The following KRI1 variants were observed in gnomAD, a reference collection of about 807,000 sequenced individuals.
KRI1 encodes the protein protein KRI1 homolog.
In KRI1, 83 loss-of-function variants were observed where a neutral mutation model predicts 97.0. The observed-to-expected ratio is 0.86, with a 90% CI of 0.72 to 1.03. The LOEUF is 1.03. Ranked by LOEUF, KRI1 falls within the 50% of genes least tolerant of loss-of-function variation. The pLI is 0.00. For missense variants in KRI1, 916 were observed against 928.4 expected (o/e 0.99, Z 0.17); for synonymous variants, 371 against 363.5 (o/e 1.02, Z -0.23).
chr19:10,562,225 T>G (rs1916724067), intron 4 of KRI1, among the ~76,000 whole-genome samples: 1 of 151,970 alleles, frequency 6.6e-6, no homozygotes, highest in Admixed American at 6.6e-5. Flanking sequence ...AATTTTTGTA[T>G]TTTTAGTAGA....
In KRI1 at chr19:10,553,260, G is replaced by A. The variant is rs531141762; in HGVS notation, c.*691C>T. On this transcript the variant is annotated 3_prime_UTR_variant, in exon 19 of 19. Transcript: ENST00000312962. ...GCCCATACACCTGTCTCCCACCAGC[G>A]GGGCCCTCCTGGCAGGGTAGGGAAG... 28 of 702,708 alleles carry A rather than the reference G, an allele frequency of 4.0e-5. No homozygotes were observed. The East Asian group carries it at 5.1e-4, about 13-fold the overall frequency. The allele number at this position is 702,708 out of a possible 1,614,324, so 43.5% of individuals were successfully genotyped here.
rs768453953 is a variant in KRI1, at chr19:10,562,808, C to T, written c.304G>A (p.Glu102Lys). The T allele has an allele frequency of 3.7e-6, 6 of 1,612,648 alleles. No homozygotes were observed. The Admixed American group carries it at 8.3e-5, about 22-fold the overall frequency. Residue 102 changes from glutamate (E) to lysine (K), a missense_variant, in exon 4 of 19, where the codon GAA (glutamate) becomes AAA (lysine). Around this residue, in one of 3 missense-constraint regions of KRI1, gnomAD observed 173 missense variants for 153.1 expected, o/e 1.13. Coordinates refer to ENST00000312962, the MANE Select transcript of KRI1 (RefSeq NM_023008.5). ...ASSSDSEEDP[E>K]ALEKQKKVRP... is the part of the protein sequence containing the mutation. The stretch of plus-strand genomic sequence containing the variant: ...ACTTTCTTCTGCTTCTCCAAGGCTT[C>T]TGGGTCCTCCTCACTGTCTGATGAC...
At chr19:10,559,307 A>G in intron 12 of KRI1, 52 bp downstream of exon 12, 1 of 1,583,740 alleles carries the variant, frequency 6.3e-7, no homozygotes, top group Non-Finnish European at 8.6e-7. Flanking sequence ...GGCCAGTGAG[A>G]GCCATGTTTG....
intron 16 of KRI1, 59 bp from the exon 17 acceptor site, chr19:10,555,408 G>A: frequency 6.3e-7 from 1 of 1,576,300 alleles, no homozygotes; most frequent in Admixed American, 1.7e-5. Context: ...GGCCTTCCCT[G>A]AGCCTAAGTC....
intron 12 of KRI1, 47 bp downstream of exon 12, chr19:10,559,312 T>C (rs751924709): frequency 1.9e-6 from 3 of 1,589,912 alleles, no homozygotes; most frequent in African/African-American, 1.3e-5. Context: ...GTGAGAGCCA[T>C]GTTTGTGTGA....
At chr19:10,563,014 C>T (rs956057711) in intron 3 of KRI1, among the ~76,000 whole-genome samples, 177 bp from the exon 4 acceptor site, 1 of 152,108 alleles carries the variant, frequency 6.6e-6, no homozygotes, top group African/African-American at 2.4e-5. Flanking sequence ...GTCATTCAGT[C>T]AGTAATTCCT....
intron 11 of KRI1, 34 bp from the exon 12 acceptor site, chr19:10,559,563 G>A: frequency 1.2e-6 from 2 of 1,613,690 alleles, no homozygotes; most frequent in East Asian, 2.2e-5. Context: ...GAGGGCATGG[G>A]CTTTCCTCCA....
chr19:10,565,743 C>G lies in KRI1; in HGVS notation c.142G>C (p.Glu48Gln). 3 of 1,580,618 alleles carry G rather than the reference C, an allele frequency of 1.9e-6. No individual in the cohort carries two copies. The highest frequency in any genetic ancestry group is 1.7e-6 in the Non-Finnish European group (2 of 1,164,468). ...DRDSSSDSSS[E>Q]SDSSDERVEF... The stretch of plus-strand genomic sequence containing the variant: ...ACGCGCTCGTCGCTTGAGTCCGACT[C>G]GGAGCTGGAGTCGCTGCTGCTGTCT... The change falls in exon 2 of 19, where the codon GAG (glutamate) becomes CAG (glutamine). Residue 48 changes from glutamate to glutamine, a missense_variant. By Grantham distance (29) the Glu-to-Gln change is conservative (BLOSUM62 2). Coordinates refer to ENST00000312962, the MANE Select transcript of KRI1 (RefSeq NM_023008.5).
intron 16 of KRI1, among the ~76,000 whole-genome samples, chr19:10,555,983 G>A (rs1442714205): frequency 6.6e-6 from 1 of 152,154 alleles, no homozygotes; most frequent in Non-Finnish European, 1.5e-5. Flanking sequence ...GGGGAGTTGA[G>A]GCACAGATAG....
Position 10,556,817 on chromosome 19 carries a change from C to T in KRI1, c.1617+735G>A, listed in dbSNP as rs114041232. 3.5e-3 allele frequency among the ~76,000 whole-genome samples: 526 copies of T among 150,686 alleles called. 5 individuals carry two copies. Among genetic ancestry groups the T allele is most frequent in the African/African-American group, 0.012 (476 of 41,046 alleles). On this transcript the variant is annotated intron_variant, in intron 16 of 18. Transcript: ENST00000312962. ...GACCAGCCTGCACAACACAGTAAAA[C>T]ATCATCTGTACAAAAAATATTTTTA...
Position 10,559,808 on chromosome 19 carries a change from A to G in KRI1, c.927+2T>C. On this transcript the variant is annotated splice_donor_variant, in intron 10 of 18. Transcript: ENST00000312962. LOFTEE classifies it high-confidence loss of function. ...GAGTCCTCCCCAGCCCCAGCCACAC[A>G]CCGATGCTGAGTCCGGCTCCTCGAA... The G allele has an allele frequency of 1.2e-6, 2 of 1,613,614 alleles. No individual in the cohort carries two copies. Among genetic ancestry groups the G allele is most frequent in the Non-Finnish European group, 1.7e-6 (2 of 1,179,888 alleles).
chr19:10,560,949 G>T, intron 8 of KRI1, 54 bp downstream of exon 8: 1 of 1,355,064 alleles, frequency 7.4e-7, no homozygotes, highest in Non-Finnish European at 1.1e-6. Context: ...AAATAGGTTG[G>T]ATGGACGCGG....
intron 2 of KRI1, 160 bp downstream of exon 2, chr19:10,565,557 G>C: frequency 2.2e-6 from 2 of 906,338 alleles, no homozygotes; most frequent in East Asian, 2.9e-5. Context: ...CCTGGGGAGA[G>C]GGGGGGCACT....
chr19:10,562,370 G>T (rs1039494252), intron 4 of KRI1, among the ~76,000 whole-genome samples: 2 of 149,146 alleles, frequency 1.3e-5, no homozygotes, highest in Admixed American at 1.3e-4. Context: ...TTGAGACAGG[G>T]TCTTATTCTG....
At chr19:10,565,409 G>A in intron 2 of KRI1, 1 of 519,628 alleles carries the variant, frequency 1.9e-6, no homozygotes, top group Non-Finnish European at 3.4e-6. Context: ...GTGGCGCAAG[G>A]AGTACACTAA....
chr19:10,557,460 G>A, intron 16 of KRI1, 92 bp downstream of exon 16: 7 of 1,374,750 alleles, frequency 5.1e-6, no homozygotes, highest in Non-Finnish European at 7.0e-6. Flanking sequence ...TGGCATTTCT[G>A]AGCAACAGAG....
chr19:10,564,459 T>TC (rs1172399281), intron 3 of KRI1, among the ~76,000 whole-genome samples: 1 of 121,236 alleles, frequency 8.2e-6, no homozygotes, highest in African/African-American at 2.8e-5. Context: ...AAACTCCATT[T>TC]CAAAAAAAAA....
In KRI1 at chr19:10,553,888, C is replaced by T. The variant is rs1051885203; in HGVS notation, c.*63G>A. ...CTGCAGCAGATAGTACTTGTGGGTG[C>T]GAGACCTGTCCAGGGCTTGATTTGA... On this transcript the variant is annotated 3_prime_UTR_variant, in exon 19 of 19. Transcript: ENST00000312962. 15 of 1,333,294 alleles carry T rather than the reference C, an allele frequency of 1.1e-5. No individual in the cohort carries two copies. The highest frequency in any genetic ancestry group is 4.5e-5 in the African/African-American group (3 of 67,316). The allele number at this position is 1,333,294 out of a possible 1,614,324, so 82.6% of individuals were successfully genotyped here.
At chr19:10,563,803 T>C (rs1169858875) in intron 3 of KRI1, among the ~76,000 whole-genome samples, 1 of 152,150 alleles carries the variant, frequency 6.6e-6, no homozygotes, top group Non-Finnish European at 1.5e-5. Flanking sequence ...CCTGGGACTA[T>C]AAGCGCACAC....
Sources: allele counts gnomAD v4.1 joint callset (sites outside exome capture counted in the v4.1 genomes callset), GRCh38; gene constraint gnomAD v4.1.1; regional missense constraint gnomAD v4.1.1; transcripts MANE v1.5; gene names NCBI Gene and HGNC (gene_info 2026-07-23, HGNC 2026-07-21).